The following GTF3C2 variants were observed in gnomAD, a reference collection of about 807,000 sequenced individuals.
The protein encoded by GTF3C2 is general transcription factor 3C polypeptide 2.
A neutral mutation model predicts 117.4 loss-of-function variants in GTF3C2; 17 were observed. The ratio of observed to expected loss-of-function variants is 0.14; its 90% CI spans 0.10 to 0.22. The LOEUF (loss-of-function observed/expected upper bound fraction) is 0.22. Ranked by LOEUF, GTF3C2 falls within the 10% of genes least tolerant of loss-of-function variation. GTF3C2 has a pLI of 1.00. For synonymous variants in GTF3C2, 437 were observed against 427.0 expected (o/e 1.02, Z -0.29); for missense variants, 888 against 1,143.6 (o/e 0.78, Z 3.22).
rs1680216750 is a variant in GTF3C2, at chr2:27,329,790, T to G, written c.1733-267A>C. Among the ~76,000 whole-genome samples, 1 of 152,156 alleles carries G rather than the reference T, an allele frequency of 6.6e-6. No homozygotes were observed. The highest frequency in any genetic ancestry group is 2.4e-5 in the African/African-American group (1 of 41,440). ...AAAATGATAGGGTGAACACACCTAG[T>G]GCAGAGAGTAGAATGCACCTCTCTC... On this transcript the variant is annotated intron_variant, in intron 12 of 18. Coordinates refer to ENST00000264720, the Ensembl canonical transcript of GTF3C2. This position sits in a 1 kb window ranked among gnomAD's most constrained non-coding sequence, Gnocchi z 4.5.
chr2:27,338,022 T>C lies in GTF3C2; in HGVS notation c.856-2A>G. ...TCCTCGGCAGTGTGGTTTCTGTTTC[T>C]GAGGATCAAATTGAAGAAAATATAA... On this transcript the variant is annotated splice_acceptor_variant, in intron 4 of 18. Coordinates refer to ENST00000264720, the Ensembl canonical transcript of GTF3C2. LOFTEE classifies it high-confidence loss of function. 3.1e-6 allele frequency: 5 copies of C among 1,590,850 alleles called. No individual in the cohort carries two copies. Among genetic ancestry groups the C allele is most frequent in the Non-Finnish European group, 4.3e-6 (5 of 1,158,716 alleles).
rs187058385 is a variant in GTF3C2, at chr2:27,347,983, A to G, written c.-24-4405T>C. Among the ~76,000 whole-genome samples, 71 of 152,154 alleles carry G rather than the reference A, an allele frequency of 4.7e-4. No individual in the cohort carries two copies. In the East Asian group the frequency reaches 0.014, roughly 29 times the overall value. On this transcript the variant is annotated intron_variant, in intron 1 of 18. Transcript: ENST00000264720. ...ACCCTGTCTCTACAGAAAAATACCA[A>G]AACAGGGCCAGGTGCAGTGGCTCAC...
chr2:27,327,989 T>G, intron 17 of GTF3C2, 48 bp downstream of exon 17: 1 of 1,533,008 alleles, frequency 6.5e-7, no homozygotes, highest in Non-Finnish European at 8.9e-7. Flanking sequence ...AAGACTAAAG[T>G]TTTCTACCTT....
intron 1 of GTF3C2, among the ~76,000 whole-genome samples, chr2:27,348,467 A>G (rs1680998035): frequency 6.6e-6 from 1 of 151,952 alleles, no homozygotes; most frequent in African/African-American, 2.4e-5. Flanking sequence ...AACCGAAAAC[A>G]TGTATCATAA....
intron 12 of GTF3C2, among the ~76,000 whole-genome samples, chr2:27,331,712 C>T (rs576206435): frequency 2.0e-5 from 3 of 152,120 alleles, no homozygotes; most frequent in East Asian, 1.9e-4. Context: ...CTGAGGCAGG[C>T]AGATCACTTT....
At chr2:27,344,025 A>ATT (rs556013357) in intron 1 of GTF3C2, among the ~76,000 whole-genome samples, 94 of 145,778 alleles carry the variant, frequency 6.4e-4, no homozygotes, top group East Asian at 1.8e-3. Flanking sequence ...TAAAGCTTCC[A>ATT]TTTTTTTTTT....
chr2:27,337,058 A>G (rs1680509439), intron 7 of GTF3C2, among the ~76,000 whole-genome samples, 186 bp downstream of exon 7: 1 of 152,166 alleles, frequency 6.6e-6, no homozygotes. Flanking sequence ...AGCTTCCCTC[A>G]GCCTGCCAGT....
chr2:27,336,374 C>A (rs149609307), exon 8 of GTF3C2: 2 of 1,613,200 alleles, frequency 1.2e-6, no homozygotes, highest in African/African-American at 1.3e-5. Flanking sequence ...GCGGTCCCCC[C>A]GTGAAGAAGG....
At chr2:27,337,174 T>C (rs2148282965) in intron 7 of GTF3C2, 70 bp downstream of exon 7, 1 of 888,788 alleles carries the variant, frequency 1.1e-6, no homozygotes. Flanking sequence ...ATCTGTCATC[T>C]CTTTCAACAT....
chr2:27,327,295 GA>G lies in GTF3C2; in HGVS notation c.2410-12del. 2.2e-6 allele frequency: 3 copies of G among 1,394,864 alleles called. No individual in the cohort carries two copies. Among genetic ancestry groups the G allele is most frequent in the Non-Finnish European group, 3.0e-6 (3 of 986,698 alleles). 86.4% of individuals were successfully genotyped at this position (1,394,864 alleles called of 1,614,324 possible). ...ATCATGGAATGAACCCTGGGGAAGG[GA>G]AATGGAATAGGAGAGAGAAAGTGAG... On this transcript the variant is annotated splice_polypyrimidine_tract_variant and intron_variant, in intron 17 of 18. Transcript: ENST00000264720.
exon 2 of GTF3C2, chr2:27,343,363 A>C (rs920271338): frequency 3.7e-6 from 6 of 1,614,006 alleles, no homozygotes; most frequent in Non-Finnish European, 5.1e-6. Context: ...TCCTCTGATC[A>C]GGAGAATCCT....
At chr2:27,351,451 T>C (rs544778774) in intron 1 of GTF3C2, among the ~76,000 whole-genome samples, 2 of 152,120 alleles carry the variant, frequency 1.3e-5, no homozygotes, top group East Asian at 3.9e-4. Context: ...ACATATGCTA[T>C]GATGGGAAAC....
At chr2:27,331,681 T>C (rs1286799960) in intron 12 of GTF3C2, among the ~76,000 whole-genome samples, 2 of 152,000 alleles carry the variant, frequency 1.3e-5, no homozygotes, top group East Asian at 1.9e-4. Flanking sequence ...CTCTCATTTG[T>C]AATCCCAGCA....
At chr2:27,354,489 T>A (rs1404639790) in intron 1 of GTF3C2, among the ~76,000 whole-genome samples, 1 of 152,206 alleles carries the variant, frequency 6.6e-6, no homozygotes, top group African/African-American at 2.4e-5. Flanking sequence ...GGCCAAGTGC[T>A]GTGACTCACG....
intron 1 of GTF3C2, among the ~76,000 whole-genome samples, chr2:27,348,262 G>A (rs1470302819): frequency 2.9e-5 from 4 of 136,140 alleles, no homozygotes; most frequent in South Asian, 2.5e-4. Context: ...GCAGGACTCC[G>A]TCTGAGGGAA....
intron 15 of GTF3C2, 119 bp from the exon 16 acceptor site, chr2:27,328,715 G>T: frequency 9.3e-7 from 1 of 1,074,942 alleles, no homozygotes; most frequent in Non-Finnish European, 1.4e-6. Flanking sequence ...ATAACCGACA[G>T]CCCTGATGAT....
chr2:27,327,624 C>CTTT (rs918684500), intron 17 of GTF3C2, among the ~76,000 whole-genome samples: 5 of 92,572 alleles, frequency 5.4e-5, no homozygotes, highest in East Asian at 2.4e-4. Flanking sequence ...ACGCCTGGCC[C>CTTT]TTTTTTTTTT....
At chr2:27,346,496 C>T (rs541064384) in intron 1 of GTF3C2, among the ~76,000 whole-genome samples, 26 of 150,872 alleles carry the variant, frequency 1.7e-4, no homozygotes, top group Admixed American at 3.3e-4. Context: ...GGACTACAGG[C>T]ATGCACCACC....
At position 27,329,574 on chromosome 2, in the gene GTF3C2, T is replaced by C; in HGVS notation, c.1733-51A>G. 1 of 1,584,324 alleles carries C rather than the reference T, an allele frequency of 6.3e-7. No homozygotes were observed. Among genetic ancestry groups the C allele is most frequent in the Non-Finnish European group, 8.6e-7 (1 of 1,157,948 alleles). ...CATTAAAAGCAAGTTCTCTCTTCCT[T>C]GCTCTAATTTCTTTCTCTGGGCTCC... On this transcript the variant is annotated intron_variant, in intron 12 of 18. Transcript: ENST00000264720. The surrounding 1 kb of genome is among the most constrained non-coding windows in gnomAD (Gnocchi z 4.5).
Sources: gnomAD v4.1 joint callset for allele counts (sites outside exome capture counted in the v4.1 genomes callset) on GRCh38, gnomAD v4.1.1 for gene constraint, Gnocchi (gnomAD v3.1) non-coding constraint, MANE v1.5 for transcripts, NCBI Gene and HGNC (gene_info 2026-07-23, HGNC 2026-07-21) for gene names.